PACRG: variants seen among roughly 807,000 people sequenced by gnomAD.
The protein encoded by PACRG is parkin coregulated.
A neutral mutation model predicts 29.7 loss-of-function variants in PACRG; 29 were observed. The observed-to-expected ratio is 0.98, with a 90% CI of 0.73 to 1.33. The LOEUF (loss-of-function observed/expected upper bound fraction) is 1.33. PACRG is among the 40% of genes most tolerant of loss of function. The pLI is 0.00. For synonymous variants in PACRG, 116 were observed against 118.7 expected (o/e 0.98, Z 0.15); for missense variants, 279 against 316.2 (o/e 0.88, Z 0.89).
At chr6:162,757,199 G>T (rs1781993331) in intron 1 of PACRG, among the ~76,000 whole-genome samples, 8 of 151,934 alleles carry the variant, frequency 5.3e-5, no homozygotes, top group Admixed American at 5.2e-4. Context: ...AACTGTTGAG[G>T]TGATCATCAG....
At chr6:162,787,578 GTGTGTATATATATATA>G (rs1159019962) in intron 1 of PACRG, among the ~76,000 whole-genome samples, 13 of 51,452 alleles carry the variant, frequency 2.5e-4, no homozygotes, top group African/African-American at 1.2e-3. Context: ...GTGTGTGTGT[GTGTGTATATATATATA>G]TATATATATA....
At position 163,102,164 on chromosome 6, in the gene PACRG, A is replaced by G. The variant is rs1815131143; in HGVS notation, c.613+12756A>G. 2.0e-5 allele frequency among the ~76,000 whole-genome samples: 3 copies of G among 152,100 alleles called. No individual in the cohort carries two copies. The South Asian group carries it at 6.2e-4, about 32-fold the overall frequency. ...CAAGCAGGTCTAGAAAAGGATGGGA[A>G]CCTTGCCACACATGGACACCATCCT... is the stretch of plus-strand genomic sequence containing the variant. On this transcript the variant is annotated intron_variant, in intron 4 of 4. Coordinates refer to ENST00000366888, the MANE Select transcript of PACRG (RefSeq NM_001080379.2).
chr6:162,985,490 T>C (rs1312304294), intron 2 of PACRG, among the ~76,000 whole-genome samples: 1 of 152,036 alleles, frequency 6.6e-6, no homozygotes, highest in Non-Finnish European at 1.5e-5. Context: ...AAAAAGCTTT[T>C]TGACAAAATC....
At chr6:162,727,660 A>G (rs950518517), upstream of PACRG, 6 of 1,584,916 alleles carry the variant, frequency 3.8e-6, no homozygotes, top group Non-Finnish European at 5.1e-6. Context: ...GTACCCACGT[A>G]CCTATCATGG....
chr6:162,901,669 T>G (rs1360855122), intron 2 of PACRG, among the ~76,000 whole-genome samples: 3 of 152,228 alleles, frequency 2.0e-5, no homozygotes, highest in Non-Finnish European at 4.4e-5. Flanking sequence ...GTCTTTAAAG[T>G]GCTTATTCTA....
chr6:163,221,218 C>T (rs1384830102), intron 4 of PACRG, among the ~76,000 whole-genome samples: 1 of 152,174 alleles, frequency 6.6e-6, no homozygotes, highest in African/African-American at 2.4e-5. Flanking sequence ...GGCTCAGCAT[C>T]GCAGTTTTCC....
At chr6:163,164,920 T>C (rs1301815288) in intron 4 of PACRG, among the ~76,000 whole-genome samples, 1 of 152,238 alleles carries the variant, frequency 6.6e-6, no homozygotes, top group Admixed American at 6.5e-5. Flanking sequence ...TCAGGGTATG[T>C]ATGTATGTAC....
chr6:163,004,920 A>G (rs369417558), intron 2 of PACRG, among the ~76,000 whole-genome samples: 6 of 152,146 alleles, frequency 3.9e-5, no homozygotes, highest in South Asian at 2.1e-4. Context: ...CTACTTGCCT[A>G]TCTTTATTTC....
At chr6:162,745,819 G>GT (rs1373510960) in intron 1 of PACRG, among the ~76,000 whole-genome samples, 7 of 152,066 alleles carry the variant, frequency 4.6e-5, no homozygotes, top group Non-Finnish European at 1.0e-4. Context: ...TTATTTTTAA[G>GT]TTTTTTGTGT....
intron 3 of PACRG, among the ~76,000 whole-genome samples, chr6:163,074,083 A>G (rs1812320684): frequency 6.6e-6 from 1 of 152,212 alleles, no homozygotes; most frequent in Non-Finnish European, 1.5e-5. Context: ...TATACTCAAA[A>G]GAAAGGAAAT....
At chr6:162,839,719 G>A in intron 2 of PACRG, among the ~76,000 whole-genome samples, 1 of 152,146 alleles carries the variant, frequency 6.6e-6, no homozygotes, top group East Asian at 1.9e-4. Context: ...GGGTTTTTAT[G>A]GTTTGAGGTC....
chr6:163,298,232 A>G (rs1008374315), intron 4 of PACRG, among the ~76,000 whole-genome samples: 1 of 152,130 alleles, frequency 6.6e-6, no homozygotes, highest in Non-Finnish European at 1.5e-5. Flanking sequence ...GGCCAAAGAT[A>G]AGAACAAATC....
intron 1 of PACRG, among the ~76,000 whole-genome samples, chr6:162,765,490 T>C (rs781673223): frequency 2.6e-5 from 4 of 152,128 alleles, no homozygotes; most frequent in East Asian, 3.9e-4. Context: ...GCTGATCCAC[T>C]TGACCGGTGA....
At chr6:162,743,815 A>G (rs1019864928) in intron 1 of PACRG, among the ~76,000 whole-genome samples, 2 of 152,024 alleles carry the variant, frequency 1.3e-5, no homozygotes, top group Non-Finnish European at 2.9e-5. Context: ...ATTTTGAAAC[A>G]TTTTCCTCAT....
At chr6:162,976,495 G>A (rs1801973530) in intron 2 of PACRG, among the ~76,000 whole-genome samples, 1 of 152,170 alleles carries the variant, frequency 6.6e-6, no homozygotes, top group African/African-American at 2.4e-5. Context: ...TATAATGAAT[G>A]AGTTGGAGGC....
At chr6:163,073,996 T>G (rs575841105) in intron 3 of PACRG, among the ~76,000 whole-genome samples, 1 of 152,220 alleles carries the variant, frequency 6.6e-6, no homozygotes, top group Non-Finnish European at 1.5e-5. Flanking sequence ...ATACAACCAC[T>G]ATGGAGGACA....
At chr6:163,251,611 T>A (rs565742126) in intron 4 of PACRG, among the ~76,000 whole-genome samples, 1 of 152,204 alleles carries the variant, frequency 6.6e-6, no homozygotes, top group African/African-American at 2.4e-5. Context: ...AGGTCAACAG[T>A]ATAAGGGATG....
intron 2 of PACRG, among the ~76,000 whole-genome samples, chr6:162,873,266 C>T (rs1276211788): frequency 1.3e-5 from 2 of 151,964 alleles, no homozygotes; most frequent in Non-Finnish European, 2.9e-5. Context: ...GCCACATCTT[C>T]CTCAGTACCT....
chr6:162,859,523 A>G (rs1198999782), intron 2 of PACRG, among the ~76,000 whole-genome samples: 1 of 152,058 alleles, frequency 6.6e-6, no homozygotes, highest in Non-Finnish European at 1.5e-5. Flanking sequence ...TCACTCTCTC[A>G]CCTTCTCCCT....
Sources: allele counts gnomAD v4.1 joint callset (sites outside exome capture counted in the v4.1 genomes callset), GRCh38; gene constraint gnomAD v4.1.1; transcripts MANE v1.5; gene names NCBI Gene and HGNC (gene_info 2026-07-23, HGNC 2026-07-21).